Variants in ZNF875 observed in about 807,000 individuals in gnomAD.
ZNF875 encodes the protein zinc finger protein 875, also known as HKR1, GLI-Kruppel zinc finger family member.
In ZNF875, 14 loss-of-function variants were observed where a neutral mutation model predicts 11.2. That is an observed-to-expected ratio of 1.26 (90% confidence interval 0.83 to 1.96). The LOEUF is 1.96. Among genes scored for constraint, ZNF875 ranks in the 30% most tolerant of loss-of-function variants. The probability of loss-of-function intolerance (pLI) is 0.00; values close to 1 mark genes in which losing one functional copy is unlikely to be tolerated. For synonymous variants in ZNF875, 301 were observed against 281.1 expected, an observed-to-expected ratio of 1.07 and a Z score of -0.71; for missense variants, 752 against 760.4, an observed-to-expected ratio of 0.99 and a Z score of 0.13.
At chr19:37,352,774 G>T (rs2038143058) in intron 4 of ZNF875, among the ~76,000 whole-genome samples, 1 of 150,912 alleles carries the variant, frequency 6.6e-6, no homozygotes, top group Non-Finnish European at 1.5e-5. Flanking sequence ...ACTTTTGCCA[G>T]ATTTTTCTTT....
intron 2 of ZNF875, among the ~76,000 whole-genome samples, chr19:37,343,044 A>G (rs746716056): frequency 1.3e-5 from 2 of 152,162 alleles, no homozygotes; most frequent in Non-Finnish European, 2.9e-5. Flanking sequence ...GGCCTAAAGA[A>G]CATAGCGGCT....
At chr19:37,343,859 C>T (rs2036259287) in intron 2 of ZNF875, among the ~76,000 whole-genome samples, 1 of 152,128 alleles carries the variant, frequency 6.6e-6, no homozygotes, top group South Asian at 2.1e-4. Flanking sequence ...CTTTTGGCCG[C>T]AAGCAACAGT....
At chr19:37,343,562 TG>T (rs1412026809) in intron 2 of ZNF875, among the ~76,000 whole-genome samples, 1 of 152,106 alleles carries the variant, frequency 6.6e-6, no homozygotes, top group Non-Finnish European at 1.5e-5. Context: ...CTTGGTTGGC[TG>T]GGATGCTTCA....
upstream of ZNF875, among the ~76,000 whole-genome samples, chr19:37,330,125 T>G (rs770669214): frequency 6.6e-6 from 1 of 152,206 alleles, no homozygotes; most frequent in Non-Finnish European, 1.5e-5. Context: ...ATTTTTTCAA[T>G]TTTTTTCTGA....
chr19:37,335,905 G>T (rs1292686838), intron 2 of ZNF875, among the ~76,000 whole-genome samples: 1 of 152,144 alleles, frequency 6.6e-6, no homozygotes, highest in East Asian at 1.9e-4. Flanking sequence ...TTTTACCTTT[G>T]AGTTCATTCC....
chr19:37,335,295 G>C, intron 2 of ZNF875, 38 bp downstream of exon 2: 1 of 684,796 alleles, frequency 1.5e-6, no homozygotes, highest in South Asian at 1.5e-5. Flanking sequence ...GCTGTCAACA[G>C]AATGGGTCCC....
At chr19:37,341,292 C>T (rs1333104426) in intron 2 of ZNF875, among the ~76,000 whole-genome samples, 4 of 152,160 alleles carry the variant, frequency 2.6e-5, no homozygotes, top group African/African-American at 9.7e-5. Context: ...TTGGTAGGTT[C>T]ATATTTTGGG....
At chr19:37,358,222 G>A (rs2039278076) in intron 4 of ZNF875, among the ~76,000 whole-genome samples, 1 of 136,862 alleles carries the variant, frequency 7.3e-6, no homozygotes, top group Non-Finnish European at 1.5e-5. Flanking sequence ...TCGGCTCACT[G>A]CAAGCTCCGT....
chr19:37,325,665 C>T (rs540484423), intron 4 of ZNF875, among the ~76,000 whole-genome samples: 4 of 152,004 alleles, frequency 2.6e-5, no homozygotes, highest in Non-Finnish European at 5.9e-5. Context: ...CCTACCTCAG[C>T]CTTCCAGGTA....
intron 4 of ZNF875, among the ~76,000 whole-genome samples, chr19:37,352,776 T>G (rs987126584): frequency 6.6e-6 from 1 of 152,080 alleles, no homozygotes; most frequent in Admixed American, 6.6e-5. Flanking sequence ...TTTTGCCAGA[T>G]TTTTCTTTGT....
upstream of ZNF875, among the ~76,000 whole-genome samples, chr19:37,313,898 T>C (rs1401645474): frequency 1.3e-5 from 2 of 152,170 alleles, no homozygotes; most frequent in Non-Finnish European, 2.9e-5. Flanking sequence ...TTGCAATTTA[T>C]TAATGCCTAT....
chr19:37,315,360 G>A (rs2030136614), upstream of ZNF875: 1 of 152,080 alleles, frequency 6.6e-6, no homozygotes, highest in Non-Finnish European at 1.5e-5. Flanking sequence ...TGTAATGTGG[G>A]GTTTTATTGC....
intron 1 of ZNF875, 90 bp downstream of exon 1, chr19:37,334,872 T>G: frequency 2.2e-6 from 1 of 459,632 alleles, no homozygotes; most frequent in South Asian, 1.6e-5. Flanking sequence ...ATCTCAGAAC[T>G]AGGGCGCTCT....
chr19:37,357,229 G>A (rs2039070589), intron 4 of ZNF875, among the ~76,000 whole-genome samples: 1 of 152,136 alleles, frequency 6.6e-6, no homozygotes, highest in Non-Finnish European at 1.5e-5. Context: ...ATATAGCCTT[G>A]TAGTATAGTC....
rs1322258791 is a variant in ZNF875 at position 37,362,023 on chromosome 19, ATATAT to A, written c.257-82_257-78del. On this transcript the variant is annotated intron_variant, in intron 4 of 4. Transcript: ENST00000392153. ...GATAGCTTGTGATGTAAATATGTAA[ATATAT>A]TATGAATGACCAGTGGGCAAGGCAA... is the stretch of plus-strand genomic sequence containing the variant. 6.5e-6 allele frequency: 5 copies of A among 766,746 alleles called. No homozygotes were observed. The East Asian group carries it at 1.2e-4, about 19-fold the overall frequency. 47.5% of individuals were successfully genotyped at this position (766,746 alleles called of 1,614,324 possible).
chr19:37,313,988 G>A (rs73629606), upstream of ZNF875, among the ~76,000 whole-genome samples: 2,541 of 152,066 alleles, frequency 0.017, 65 homozygotes, highest in African/African-American at 0.057. Context: ...CCAAAGACTC[G>A]CATAAAAAGA....
upstream of ZNF875, among the ~76,000 whole-genome samples, chr19:37,317,732 G>A (rs906513030): frequency 6.6e-5 from 10 of 152,250 alleles, no homozygotes; most frequent in Non-Finnish European, 1.5e-4. Context: ...TGGCTAATGT[G>A]GAGCGAACCT....
chr19:37,336,344 G>T (rs990395587), intron 2 of ZNF875, among the ~76,000 whole-genome samples: 5 of 147,020 alleles, frequency 3.4e-5, no homozygotes, highest in Middle Eastern at 7.1e-3. Flanking sequence ...CTGTCATCCA[G>T]GCTGGAGTGC....
intron 2 of ZNF875, chr19:37,346,985 T>C (rs2036905575): frequency 1.9e-6 from 1 of 519,862 alleles, no homozygotes; most frequent in Non-Finnish European, 3.5e-6. Flanking sequence ...ACCTGACTAA[T>C]TTTGTATTTT....
Sources: gnomAD v4.1 joint callset for allele counts (sites outside exome capture counted in the v4.1 genomes callset) on GRCh38, gnomAD v4.1.1 for gene constraint, MANE v1.5 for transcripts, NCBI Gene and HGNC (gene_info 2026-07-23, HGNC 2026-07-21) for gene names.